Variants in ABHD2 observed in about 807,000 individuals in gnomAD.
The protein encoded by ABHD2 is abhydrolase domain containing 2, acylglycerol lipase.
Under a neutral mutation model 48.1 loss-of-function variants are expected in ABHD2, and 20 were observed. The observed-to-expected ratio is 0.42, with a 90% confidence interval of 0.29 to 0.60. The LOEUF (loss-of-function observed/expected upper bound fraction) is 0.60. Ranked by LOEUF, ABHD2 falls within the 20% of genes least tolerant of loss-of-function variation. The pLI, the probability that ABHD2 is intolerant of heterozygous loss-of-function variation, is 0.24. For missense variants in ABHD2, 405 were observed against 550.9 expected (o/e 0.74, Z 2.65); for synonymous variants, 209 against 214.2 (o/e 0.98, Z 0.21).
At chr15:89,190,330 T>C (rs1206921892) in intron 8 of ABHD2, among the ~76,000 whole-genome samples, 2 of 152,206 alleles carry the variant, frequency 1.3e-5, no homozygotes, top group Admixed American at 6.5e-5. Context: ...CTGCGGCCCC[T>C]CATTCATGCT....
Position 89,201,448 on chromosome 15 carries a change from T to C in ABHD2, c.*6025T>C. 1 of 1,367,314 alleles carries C rather than the reference T, an allele frequency of 7.3e-7. No homozygotes were observed. Among genetic ancestry groups the C allele is most frequent in the Non-Finnish European group, 1.0e-6 (1 of 967,478 alleles). The allele number at this position is 1,367,314 out of a possible 1,614,324, so 84.7% of individuals were successfully genotyped here. A position where few individuals can be genotyped will look rare whatever the true frequency, so the allele number is the denominator to read the frequency against. ...GGATCTCCATTTGGAATCCATTAAT[T>C]CATGAGGTTTTGCCTCATTCCACAC... On this transcript the variant is annotated 3_prime_UTR_variant, in exon 11 of 11. Coordinates refer to ENST00000352732, the MANE Select transcript of ABHD2 (RefSeq NM_152924.5).
upstream of ABHD2, among the ~76,000 whole-genome samples, chr15:89,083,905 A>G (rs952557509): frequency 6.6e-6 from 1 of 152,198 alleles, no homozygotes; most frequent in Non-Finnish European, 1.5e-5. The surrounding 1 kb of genome is among the most constrained non-coding windows in gnomAD (Gnocchi z 5.1). Flanking sequence ...CAGACAGTCG[A>G]CCTGGTAACA....
At chr15:89,192,266 A>C (rs762358091) in intron 9 of ABHD2, among the ~76,000 whole-genome samples, 6 of 152,182 alleles carry the variant, frequency 3.9e-5, no homozygotes, top group Non-Finnish European at 7.3e-5. Flanking sequence ...CATTTAAGCC[A>C]TTGTAGGAAT....
chr15:89,069,414 T>G, the ABHD2 span, among the ~76,000 whole-genome samples: 2 of 151,892 alleles, frequency 1.3e-5, no homozygotes, highest in African/African-American at 4.8e-5. Flanking sequence ...AGGCATAATC[T>G]TTTTCTTTAA....
chr15:89,146,752 T>C lies in ABHD2; in HGVS notation c.195-4925T>C, dbSNP rs1169568054. 1.3e-5 allele frequency among the ~76,000 whole-genome samples: 2 copies of C among 152,174 alleles called. No individual in the cohort carries two copies. Among genetic ancestry groups the C allele is most frequent in the African/African-American group, 4.8e-5 (2 of 41,442 alleles). On this transcript the variant is annotated intron_variant, in intron 3 of 10. Transcript: ENST00000352732. The surrounding 1 kb of genome is among the most constrained non-coding windows in gnomAD (Gnocchi z 4.2). ...TTAGCGTAGTAAAAATGGAATATTC[T>C]GTAAAACATGAAGAAAGCAATGAAA...
the ABHD2 span, among the ~76,000 whole-genome samples, chr15:89,054,509 C>T: frequency 1.3e-5 from 2 of 151,448 alleles, no homozygotes; most frequent in Non-Finnish European, 2.9e-5. Flanking sequence ...GATGAAACCC[C>T]ATCTCTACTA....
rs1032944191 is a variant in ABHD2 at position 89,104,430 on chromosome 15, A to G, written c.-106-9295A>G. ...TCGGGTTTCCTCACAAATGCCTGCC[A>G]TGGTGAAATGCAAGACTGTTAGAGT... On this transcript the variant is annotated intron_variant, in intron 1 of 10. Coordinates refer to ENST00000352732, the MANE Select transcript of ABHD2 (RefSeq NM_152924.5). This position sits in a 1 kb window ranked among gnomAD's most constrained non-coding sequence, Gnocchi z 4.4. Among the ~76,000 whole-genome samples, 1 of 152,054 alleles carries G rather than the reference A, an allele frequency of 6.6e-6. No homozygotes were observed. Among genetic ancestry groups the G allele is most frequent in the Non-Finnish European group, 1.5e-5 (1 of 68,010 alleles).
chr15:89,135,479 A>T, intron 3 of ABHD2: 1 of 798,020 alleles, frequency 1.3e-6, no homozygotes, highest in Non-Finnish European at 2.1e-6. Context: ...TTTCTTTAAA[A>T]GGAGTGAGTT....
chr15:89,183,612 C>T (rs1181531018), intron 6 of ABHD2, among the ~76,000 whole-genome samples: 2 of 151,822 alleles, frequency 1.3e-5, no homozygotes. Flanking sequence ...CTGATCCCTC[C>T]CTGAGCCCTG....
intron 3 of ABHD2, among the ~76,000 whole-genome samples, chr15:89,150,986 G>A (rs1342114431): frequency 3.3e-5 from 5 of 152,196 alleles, no homozygotes; most frequent in Admixed American, 6.5e-5. Flanking sequence ...TCCTACCAAC[G>A]CCTAGAGTCA....
the ABHD2 span, among the ~76,000 whole-genome samples, chr15:89,071,289 C>T: frequency 2.0e-5 from 3 of 152,172 alleles, no homozygotes; most frequent in African/African-American, 7.2e-5. Flanking sequence ...GGCATGGTGT[C>T]AAGCGCCTAT....
Position 89,173,863 on chromosome 15 carries a change from A to G in ABHD2, c.539-1949A>G, listed in dbSNP as rs1259758129. On this transcript the variant is annotated intron_variant, in intron 5 of 10. Transcript: ENST00000352732. The surrounding 1 kb of genome is among the most constrained non-coding windows in gnomAD (Gnocchi z 6.5). Reference sequence around the variant, plus strand: ...GGAGAGGGAGACGGGCTGCCTTCTCAAAGTTGGTGCCTGGGTCCTGCTGTT... The same window carrying G: ...GGAGAGGGAGACGGGCTGCCTTCTCGAAGTTGGTGCCTGGGTCCTGCTGTT... 2.0e-5 allele frequency among the ~76,000 whole-genome samples: 3 copies of G among 152,156 alleles called. No homozygotes were observed. Among genetic ancestry groups the G allele is most frequent in the African/African-American group, 7.2e-5 (3 of 41,432 alleles).
At chr15:89,053,601 T>G in the ABHD2 span, among the ~76,000 whole-genome samples, 1 of 151,874 alleles carries the variant, frequency 6.6e-6, no homozygotes, top group East Asian at 1.9e-4. Flanking sequence ...TCAAAGAAGG[T>G]GGACACAGGA....
chr15:89,048,962 T>C, the ABHD2 span, among the ~76,000 whole-genome samples: 7 of 150,922 alleles, frequency 4.6e-5, no homozygotes, highest in Non-Finnish European at 8.8e-5. Context: ...TGAGGCGCTC[T>C]GCTTTTTAGA....
At chr15:89,193,163 T>C in intron 9 of ABHD2, 72 bp from the exon 10 acceptor site, 1 of 1,458,810 alleles carries the variant, frequency 6.9e-7, no homozygotes, top group South Asian at 1.1e-5. Context: ...CAGCAGTGAG[T>C]TTGAGCCTTG....
chr15:89,150,507 G>T (rs549019744), intron 3 of ABHD2, among the ~76,000 whole-genome samples: 19 of 152,246 alleles, frequency 1.2e-4, no homozygotes, highest in African/African-American at 4.3e-4. Context: ...ATGTCCTTAA[G>T]GTCTTAAAAT....
chr15:89,063,665 G>A, the ABHD2 span, among the ~76,000 whole-genome samples: 53 of 152,092 alleles, frequency 3.5e-4, no homozygotes, highest in Admixed American at 1.1e-3. Context: ...ACCATTTTAA[G>A]CATGTTTAGG....
At chr15:89,150,850 T>G (rs1218192536) in intron 3 of ABHD2, among the ~76,000 whole-genome samples, 1 of 152,254 alleles carries the variant, frequency 6.6e-6, no homozygotes, top group Non-Finnish European at 1.5e-5. Context: ...GCCATGGAAG[T>G]GAAACCAACA....
At chr15:89,080,122 A>C in the ABHD2 span, among the ~76,000 whole-genome samples, 1 of 152,212 alleles carries the variant, frequency 6.6e-6, no homozygotes, top group Admixed American at 6.5e-5. Flanking sequence ...GCAGAAGAGC[A>C]AAAGCTACTG....
Sources: allele counts gnomAD v4.1 joint callset (sites outside exome capture counted in the v4.1 genomes callset), GRCh38; gene constraint gnomAD v4.1.1; non-coding constraint Gnocchi (gnomAD v3.1); transcripts MANE v1.5; gene names NCBI Gene and HGNC (gene_info 2026-07-23, HGNC 2026-07-21).